Variants in ESYT3 observed in about 807,000 individuals in gnomAD.
The protein encoded by ESYT3 is extended synaptotagmin 3.
A neutral mutation model predicts 111.5 loss-of-function variants in ESYT3; 101 were observed. That is an observed-to-expected ratio of 0.91 (90% CI 0.77 to 1.07). The LOEUF (loss-of-function observed/expected upper bound fraction) is 1.07. Among genes scored for constraint, ESYT3 ranks in the 50% least tolerant of loss-of-function variants. The probability of loss-of-function intolerance (pLI) is 0.00; values close to 1 mark genes in which losing one functional copy is unlikely to be tolerated. For missense variants in ESYT3, 1,097 were observed against 1,109.4 expected (o/e 0.99, Z 0.16); for synonymous variants, 416 against 446.8 (o/e 0.93, Z 0.87).
At position 138,472,870 on chromosome 3, in the gene ESYT3, C is replaced by T. The variant is rs368060642; in HGVS notation, c.2237+11C>T. ...CAGCCTCAACATTGAGTATGCACCT[C>T]TCTGCTTAATCTTTTCTAAAATCGC... is the stretch of plus-strand genomic sequence containing the variant. On this transcript the variant is annotated intron_variant, in intron 18 of 22. Coordinates refer to ENST00000389567, the MANE Select transcript of ESYT3 (RefSeq NM_031913.5). The T allele has an allele frequency of 2.5e-6, 4 of 1,606,584 alleles. No individual in the cohort carries two copies. In the African/African-American group the frequency reaches 5.4e-5, roughly 22 times the overall value.
At chr3:138,454,470 A>G (rs545341377) in intron 2 of ESYT3, among the ~76,000 whole-genome samples, 33 of 151,852 alleles carry the variant, frequency 2.2e-4, no homozygotes, top group East Asian at 1.6e-3. Flanking sequence ...AGGCAGGACA[A>G]TCACTTGAAC....
chr3:138,476,933 C>T lies in ESYT3; in HGVS notation c.*79C>T, dbSNP rs1344690909. On this transcript the variant is annotated 3_prime_UTR_variant, in exon 23 of 23. Transcript: ENST00000389567. ...ATTTTTTCCTTTGGATCACTTACATCCAATATATGTATATTTTGTCATTTA... is the reference window on the plus strand; with the variant it reads ...ATTTTTTCCTTTGGATCACTTACATTCAATATATGTATATTTTGTCATTTA... 2 of 1,066,068 alleles carry T rather than the reference C, an allele frequency of 1.9e-6. No homozygotes were observed. Among genetic ancestry groups the T allele is most frequent in the African/African-American group, 3.2e-5 (2 of 61,722 alleles). The allele number at this position is 1,066,068 out of a possible 1,614,324, so 66.0% of individuals were successfully genotyped here. A position where few individuals can be genotyped will look rare whatever the true frequency, so the allele number is the denominator to read the frequency against.
intron 1 of ESYT3, among the ~76,000 whole-genome samples, chr3:138,443,856 C>T (rs1323600906): frequency 6.6e-6 from 1 of 152,070 alleles, no homozygotes; most frequent in African/African-American, 2.4e-5. Flanking sequence ...CTTAGTCCCT[C>T]CGCCTCCCAA....
Position 138,457,651 on chromosome 3 carries a change from T to G in ESYT3, c.581+7T>G, listed in dbSNP as rs1254765294. 1 of 1,614,042 alleles carries G rather than the reference T, an allele frequency of 6.2e-7. No homozygotes were observed. Among genetic ancestry groups the G allele is most frequent in the South Asian group, 1.1e-5 (1 of 91,072 alleles). ...CTGTGGACCTGCAGATCTGGTGAGCTCTATCGGGCTGGGTATGGGCTTCGG... is the reference window on the plus strand; with the variant it reads ...CTGTGGACCTGCAGATCTGGTGAGCGCTATCGGGCTGGGTATGGGCTTCGG... On this transcript the variant is annotated splice_region_variant and intron_variant, in intron 4 of 22. Transcript: ENST00000389567.
intron 3 of ESYT3, among the ~76,000 whole-genome samples, chr3:138,457,278 A>G (rs1278653244): frequency 6.6e-6 from 1 of 152,180 alleles, no homozygotes; most frequent in Non-Finnish European, 1.5e-5. Context: ...CCTCACGTGT[A>G]AAGGGAAAGG....
rs1407748926 is a variant in ESYT3, at chr3:138,469,521, T to G, written c.1503+17T>G. Reference sequence around the variant, plus strand: ...ACAAGTAAGGTAAGACAGCTTGGTGTGTAGCCCTGGGGTAAGGAAACAAGG... The same window carrying G: ...ACAAGTAAGGTAAGACAGCTTGGTGGGTAGCCCTGGGGTAAGGAAACAAGG... On this transcript the variant is annotated intron_variant, in intron 15 of 22. Transcript: ENST00000389567. 6.2e-7 allele frequency: 1 copy of G among 1,610,944 alleles called. No homozygotes were observed. The highest frequency in any genetic ancestry group is 1.3e-5 in the African/African-American group (1 of 74,850).
In ESYT3 at chr3:138,434,898, G is replaced by A. The variant is rs1289520119; in HGVS notation, c.100G>A (p.Glu34Lys). 2.6e-6 allele frequency: 4 copies of A among 1,551,082 alleles called. No individual in the cohort carries two copies. The highest frequency in any genetic ancestry group is 1.2e-5 in the South Asian group (1 of 84,018). Residue 34 changes from glutamate to lysine, a missense_variant, in exon 1 of 23, where the codon GAG becomes AAG. By Grantham distance (56) the Glu-to-Lys change is moderately conservative (BLOSUM62 1). Coordinates refer to ENST00000389567, the MANE Select transcript of ESYT3 (RefSeq NM_031913.5). ...ELRLSSQLLP[E>K]LCTFVVRVLF... ...GCGCCTGTCCAGCCAGCTGCTGCCCGAGCTCTGTACCTTCGTGGTGCGCGT... is the reference window on the plus strand; with the variant it reads ...GCGCCTGTCCAGCCAGCTGCTGCCCAAGCTCTGTACCTTCGTGGTGCGCGT...
intron 20 of ESYT3, chr3:138,474,568 G>A (rs1576471042): frequency 2.4e-6 from 1 of 421,828 alleles, no homozygotes; most frequent in Non-Finnish European, 4.1e-6. Flanking sequence ...TGCTCATAGA[G>A]GCTAAAGTGT....
intron 1 of ESYT3, among the ~76,000 whole-genome samples, chr3:138,439,311 C>T (rs1486083938): frequency 6.6e-6 from 1 of 152,102 alleles, no homozygotes; most frequent in Admixed American, 6.5e-5. Context: ...GGATGACTGT[C>T]AAGGGGTGGA....
chr3:138,438,854 C>A (rs1012065758), intron 1 of ESYT3, among the ~76,000 whole-genome samples: 3 of 152,210 alleles, frequency 2.0e-5, no homozygotes, highest in Admixed American at 1.3e-4. Context: ...TGTGGGTCCC[C>A]TTTGTCTTGT....
At chr3:138,474,379 G>T in intron 20 of ESYT3, 27 bp downstream of exon 20, 1 of 1,557,998 alleles carries the variant, frequency 6.4e-7, no homozygotes, top group Non-Finnish European at 8.6e-7. Flanking sequence ...CCTGCCTAGA[G>T]TGCCTCACCC....
chr3:138,458,346 G>C (rs868150423), intron 4 of ESYT3, among the ~76,000 whole-genome samples: 5 of 152,212 alleles, frequency 3.3e-5, no homozygotes, highest in Admixed American at 1.3e-4. Context: ...CAGGCTATCA[G>C]GTGCTCCCAG....
intron 6 of ESYT3, 51 bp from the exon 7 acceptor site, chr3:138,460,560 C>T (rs535129781): frequency 6.3e-7 from 1 of 1,597,286 alleles, no homozygotes. Flanking sequence ...GGGTTCTCAG[C>T]CCTGGGCTCC....
chr3:138,464,114 G>A (rs534143562), intron 8 of ESYT3, among the ~76,000 whole-genome samples: 1 of 152,376 alleles, frequency 6.6e-6, no homozygotes, highest in Admixed American at 6.5e-5. Flanking sequence ...TGGAGGCAGG[G>A]AGTGTGGAGG....
At chr3:138,438,665 A>G (rs1337656526) in intron 1 of ESYT3, among the ~76,000 whole-genome samples, 1 of 152,058 alleles carries the variant, frequency 6.6e-6, no homozygotes, top group African/African-American at 2.4e-5. Context: ...CCCTGACTGA[A>G]CCTGTTTCCC....
chr3:138,435,039 G>T lies in ESYT3; in HGVS notation c.241G>T (p.Gly81Trp). ...GCGCAGGAACCGCCGCGGGAAGCTT[G>T]GGCGCCTGGCCGCCGCCTTCGAATT... ...WWRRNRRGKL[G>W]RLAAAFEFLD... The change falls in exon 1 of 23, where the codon GGG (glycine) becomes TGG (tryptophan). Residue 81 changes from glycine (G) to tryptophan (W), a missense_variant. Physicochemically the swap from Gly to Trp is radical, Grantham distance 184. Coordinates refer to ENST00000389567, the MANE Select transcript of ESYT3 (RefSeq NM_031913.5). The surrounding 1 kb of genome is among the most constrained non-coding windows in gnomAD (Gnocchi z 4.8). The T allele has an allele frequency of 6.3e-7, 1 of 1,586,454 alleles. No individual in the cohort carries two copies. The highest frequency in any genetic ancestry group is 8.6e-7 in the Non-Finnish European group (1 of 1,167,862).
chr3:138,473,511 G>C (rs773262328), intron 18 of ESYT3, 25 bp from the exon 19 acceptor site: 3 of 1,604,478 alleles, frequency 1.9e-6, no homozygotes, highest in Non-Finnish European at 2.6e-6. Flanking sequence ...TATGGCGAGA[G>C]AAGTGATGGG....
Position 138,460,867 on chromosome 3 carries a change from C to G in ESYT3, c.794+201C>G, listed in dbSNP as rs563519262. ...TGGGCACTGTGCCCAGCACACCCCC[C>G]GCCCACACCACACACACACACCACA... On this transcript the variant is annotated intron_variant, in intron 7 of 22. Transcript: ENST00000389567. Among the ~76,000 whole-genome samples, 129 of 152,258 alleles carry G rather than the reference C, an allele frequency of 8.5e-4. 2 individuals are homozygous for G. Among genetic ancestry groups the G allele is most frequent in the East Asian group, 2.7e-3 (14 of 5,172 alleles).
intron 19 of ESYT3, 24 bp downstream of exon 19, chr3:138,473,658 A>G: frequency 6.2e-7 from 1 of 1,603,676 alleles, no homozygotes; most frequent in Non-Finnish European, 8.5e-7. Context: ...AGGGCCAGGG[A>G]GGTCCTTTGG....
Sources: gnomAD v4.1 joint callset for allele counts (sites outside exome capture counted in the v4.1 genomes callset) on GRCh38, gnomAD v4.1.1 for gene constraint, Gnocchi (gnomAD v3.1) non-coding constraint, MANE v1.5 for transcripts, NCBI Gene and HGNC (gene_info 2026-07-23, HGNC 2026-07-21) for gene names.